SLC44A5: variants seen among roughly 807,000 people sequenced by gnomAD.
SLC44A5 encodes the protein choline transporter-like protein 5.
In SLC44A5, 57 loss-of-function variants were observed where a neutral mutation model predicts 101.8. The observed-to-expected ratio is 0.56, with a 90% CI of 0.45 to 0.70. The LOEUF (loss-of-function observed/expected upper bound fraction) is 0.70, where lower values mean the gene tolerates loss of function less well. Among genes scored for constraint, SLC44A5 ranks in the 30% least tolerant of loss-of-function variants. The pLI is 0.00. For missense variants in SLC44A5, 737 were observed against 853.1 expected (o/e 0.86, Z 1.70); for synonymous variants, 281 against 290.9 (o/e 0.97, Z 0.35).
chr1:75,622,266 C>A, the SLC44A5 span, among the ~76,000 whole-genome samples: 8,914 of 152,074 alleles, frequency 0.059, 301 homozygotes, highest in Middle Eastern at 0.092. Flanking sequence ...TCACCCCACC[C>A]CCAACACTTT....
chr1:75,230,543 C>G (rs1441861743), intron 12 of SLC44A5, among the ~76,000 whole-genome samples: 4 of 152,136 alleles, frequency 2.6e-5, no homozygotes, highest in Admixed American at 2.6e-4. Context: ...GCCACTGTAC[C>G]TGGCTGTGAT....
intron 1 of SLC44A5, among the ~76,000 whole-genome samples, chr1:75,575,422 C>A (rs1231278092): frequency 6.6e-6 from 1 of 152,124 alleles, no homozygotes; most frequent in Non-Finnish European, 1.5e-5. Flanking sequence ...ATTGACTATG[C>A]ACTACATTTG....
intron 2 of SLC44A5, among the ~76,000 whole-genome samples, chr1:75,513,520 A>G (rs1485671258): frequency 6.6e-6 from 1 of 152,236 alleles, no homozygotes; most frequent in Non-Finnish European, 1.5e-5. Context: ...AATATATCAG[A>G]GGGCTAATAC....
At chr1:75,637,749 G>A in the SLC44A5 span, among the ~76,000 whole-genome samples, 1 of 151,804 alleles carries the variant, frequency 6.6e-6, no homozygotes. Context: ...TATCAATTCC[G>A]GGTCAAACTG....
intron 4 of SLC44A5, among the ~76,000 whole-genome samples, chr1:75,308,402 T>C (rs1655063119): frequency 6.6e-6 from 1 of 152,170 alleles, no homozygotes; most frequent in African/African-American, 2.4e-5. Context: ...TTTTTTTTTT[T>C]TTACAAAGAG....
chr1:75,719,503 G>A, the SLC44A5 span, among the ~76,000 whole-genome samples: 1 of 152,070 alleles, frequency 6.6e-6, no homozygotes, highest in Non-Finnish European at 1.5e-5. Flanking sequence ...CCTGACCACT[G>A]CTTTTGAGTT....
rs564345525 is a variant in SLC44A5, at chr1:75,409,152, A to G, written c.14-12531T>C. Reference sequence around the variant, plus strand: ...ACAATGAGTCCACATGGACATAAAGATGGGAACAATAGACACTGGAGACTC... The same window carrying G: ...ACAATGAGTCCACATGGACATAAAGGTGGGAACAATAGACACTGGAGACTC... On this transcript the variant is annotated intron_variant, in intron 2 of 23. Coordinates refer to ENST00000370859, the MANE Select transcript of SLC44A5 (RefSeq NM_001130058.2). Among the ~76,000 whole-genome samples, 12 of 152,284 alleles carry G rather than the reference A, an allele frequency of 7.9e-5. No individual in the cohort carries two copies. The South Asian group carries it at 1.2e-3, about 16-fold the overall frequency.
At chr1:75,351,868 A>AAAGAGAG (rs1553165361) in intron 3 of SLC44A5, among the ~76,000 whole-genome samples, 150 of 58,454 alleles carry the variant, frequency 2.6e-3, no homozygotes, top group African/African-American at 7.5e-3. Context: ...AAAAAAAAAA[A>AAAGAGAG]AGAGAGAGAG....
At chr1:75,299,264 T>A (rs1654229204) in intron 5 of SLC44A5, among the ~76,000 whole-genome samples, 1 of 152,218 alleles carries the variant, frequency 6.6e-6, no homozygotes, top group Non-Finnish European at 1.5e-5. Flanking sequence ...TATATTTAGC[T>A]TTGTGATTTA....
intron 1 of SLC44A5, among the ~76,000 whole-genome samples, chr1:75,544,526 C>CACAA (rs199691628): frequency 1.7e-4 from 26 of 149,532 alleles, no homozygotes; most frequent in Middle Eastern, 3.5e-3. Context: ...CACACACACA[C>CACAA]AACAAAATAC....
the SLC44A5 span, among the ~76,000 whole-genome samples, chr1:75,644,719 C>A: frequency 1.3e-4 from 19 of 151,872 alleles, no homozygotes; most frequent in East Asian, 3.5e-3. Context: ...ATACATGTGC[C>A]ATGTTGGTGT....
At chr1:75,610,945 AT>A (rs1675627667) in intron 1 of SLC44A5, 94 bp downstream of exon 1, 1 of 311,378 alleles carries the variant, frequency 3.2e-6, no homozygotes, top group East Asian at 1.8e-4. Context: ...GTGTGTGTGT[AT>A]TTCTTGAGTT....
chr1:75,667,732 T>C, the SLC44A5 span, among the ~76,000 whole-genome samples: 1 of 152,148 alleles, frequency 6.6e-6, no homozygotes, highest in African/African-American at 2.4e-5. Flanking sequence ...TTTGGGGAAA[T>C]GGAATGAAGT....
At chr1:75,266,901 A>C (rs1375654937) in intron 6 of SLC44A5, among the ~76,000 whole-genome samples, 1 of 152,212 alleles carries the variant, frequency 6.6e-6, no homozygotes, top group Non-Finnish European at 1.5e-5. Context: ...TAAGACAGTA[A>C]ATCAAGATCT....
chr1:75,357,348 A>T (rs1356714601), intron 3 of SLC44A5: 1 of 356,652 alleles, frequency 2.8e-6, no homozygotes, highest in East Asian at 7.9e-5. Flanking sequence ...TGTCCTGACC[A>T]AAAACTTCCA....
At chr1:75,564,756 A>G (rs1486385989) in intron 1 of SLC44A5, among the ~76,000 whole-genome samples, 2 of 151,944 alleles carry the variant, frequency 1.3e-5, no homozygotes, top group African/African-American at 4.8e-5. Context: ...AGTAGCTGGG[A>G]CTACAGGTGA....
At chr1:75,493,771 T>A (rs1262532191) in intron 2 of SLC44A5, among the ~76,000 whole-genome samples, 1 of 152,188 alleles carries the variant, frequency 6.6e-6, no homozygotes, top group Non-Finnish European at 1.5e-5. Context: ...CACAGGATTC[T>A]CCCTCCACCC....
intron 2 of SLC44A5, among the ~76,000 whole-genome samples, chr1:75,397,011 A>G (rs1662168200): frequency 1.3e-5 from 2 of 152,194 alleles, no homozygotes; most frequent in African/African-American, 4.8e-5. Context: ...CAGAAGACAC[A>G]TTAGTCATGA....
chr1:75,261,686 T>C (rs547154648), intron 6 of SLC44A5, among the ~76,000 whole-genome samples: 1 of 152,210 alleles, frequency 6.6e-6, no homozygotes, highest in Admixed American at 6.5e-5. Flanking sequence ...AGCATCATCC[T>C]AATGCCAAAA....
Sources: allele counts gnomAD v4.1 joint callset (sites outside exome capture counted in the v4.1 genomes callset), GRCh38; gene constraint gnomAD v4.1.1; transcripts MANE v1.5; gene names NCBI Gene and HGNC (gene_info 2026-07-23, HGNC 2026-07-21).